CDH1: variants seen among roughly 807,000 people sequenced by gnomAD.
CDH1 encodes cadherin 1.
A neutral mutation model predicts 84.5 loss-of-function variants in CDH1; 35 were observed. The observed-to-expected ratio is 0.41, with a 90% CI of 0.32 to 0.55. The LOEUF (loss-of-function observed/expected upper bound fraction) is 0.55, where lower values mean the gene tolerates loss of function less well. Among genes scored for constraint, CDH1 ranks in the 20% least tolerant of loss-of-function variants. CDH1 has a pLI of 0.19. For missense variants in CDH1, 994 were observed against 1,126.6 expected, an observed-to-expected ratio of 0.88 and a Z score of 1.68; for synonymous variants, 417 against 439.0, an observed-to-expected ratio of 0.95 and a Z score of 0.63.
intron 3 of CDH1, 143 bp from the exon 4 acceptor site, chr16:68,808,281 A>G: frequency 1.2e-6 from 1 of 817,824 alleles, no homozygotes; most frequent in Non-Finnish European, 2.0e-6. Context: ...ATAATTTGTC[A>G]TTGATAAGAG....
rs2152138313 is a variant in CDH1, at chr16:68,822,084, A to T, written c.1795A>T (p.Thr599Ser). Residue 599 changes from threonine (T) to serine (S), a missense_variant, in exon 12 of 16, where the codon ACT becomes TCT. Physicochemically the swap from Thr to Ser is moderately conservative, Grantham distance 58. Transcript: ENST00000261769. ...NDNAPIPEPR[T>S]IFFCERNPKP... ...CAACGCCCCCATACCAGAACCTCGA[A>T]CTATATTCTTCTGTGAGAGGAATCC... is the stretch of plus-strand genomic sequence containing the variant. The T allele has an allele frequency of 6.2e-7, 1 of 1,614,166 alleles. No individual in the cohort carries two copies. Among genetic ancestry groups the T allele is most frequent in the Non-Finnish European group, 8.5e-7 (1 of 1,180,016 alleles).
Position 68,812,236 on chromosome 16 carries a change from T to C in CDH1, c.1110T>C (p.Asp370=), listed in dbSNP as rs1477466995. 6.2e-7 allele frequency: 1 copy of C among 1,614,182 alleles called. No individual in the cohort carries two copies. Among genetic ancestry groups the C allele is most frequent in the Non-Finnish European group, 8.5e-7 (1 of 1,179,986 alleles). The change falls in exon 8 of 16, where the codon GAT becomes GAC. Residue 370 remains aspartate, a synonymous_variant. Coordinates refer to ENST00000261769, the MANE Select transcript of CDH1 (RefSeq NM_004360.5). The part of the protein sequence containing the change: ...TAVITVTDTN[D]NPPIFNPTTY... Reference sequence around the variant, plus strand: ...TGATCACAGTCACTGACACCAACGATAATCCTCCGATCTTCAATCCCACCA... The same window carrying C: ...TGATCACAGTCACTGACACCAACGACAATCCTCCGATCTTCAATCCCACCA...
intron 2 of CDH1, among the ~76,000 whole-genome samples, chr16:68,775,575 T>G (rs1417655169): frequency 6.6e-6 from 1 of 152,218 alleles, no homozygotes. Context: ...ACATTTCTGT[T>G]TTTGTGTTTA....
intron 5 of CDH1, 166 bp downstream of exon 5, chr16:68,809,014 T>C: frequency 1.5e-6 from 1 of 664,668 alleles, no homozygotes; most frequent in South Asian, 1.8e-5. Flanking sequence ...CGTGGGACAG[T>C]TTGGGGTTGT....
chr16:68,825,802 TC>T (rs139067420), intron 13 of CDH1, among the ~76,000 whole-genome samples: 2 of 141,136 alleles, frequency 1.4e-5, no homozygotes, highest in Admixed American at 7.0e-5. Context: ...CTAAAGGGAA[TC>T]TTTTTTTTTT....
chr16:68,751,269 T>TG (rs1457856948), intron 2 of CDH1, among the ~76,000 whole-genome samples: 1 of 152,202 alleles, frequency 6.6e-6, no homozygotes. Flanking sequence ...CTCATGTACC[T>TG]GGGGTCCTCA....
intron 2 of CDH1, among the ~76,000 whole-genome samples, chr16:68,785,919 C>T (rs570392534): frequency 9.9e-5 from 15 of 152,280 alleles, no homozygotes; most frequent in Non-Finnish European, 1.8e-4. Flanking sequence ...AGTTTCACAT[C>T]GGAAAATGGG....
chr16:68,793,040 C>T (rs1249685370), intron 2 of CDH1, among the ~76,000 whole-genome samples: 3 of 152,054 alleles, frequency 2.0e-5, no homozygotes, highest in African/African-American at 7.3e-5. Flanking sequence ...TCCCTGGGAA[C>T]CCATGGGGGT....
intron 13 of CDH1, 56 bp from the exon 14 acceptor site, chr16:68,828,118 C>T (rs541265916): frequency 2.2e-5 from 36 of 1,606,890 alleles, no homozygotes; most frequent in Non-Finnish European, 3.4e-6. Context: ...GCTGCTGCTT[C>T]TGGCCTTCTT....
chr16:68,827,213 G>A (rs1329983125), intron 13 of CDH1, among the ~76,000 whole-genome samples: 1 of 152,104 alleles, frequency 6.6e-6, no homozygotes. Flanking sequence ...GGTGGTTTCA[G>A]TGAGCTGAGA....
chr16:68,826,759 C>T (rs899518824), intron 13 of CDH1, among the ~76,000 whole-genome samples: 1 of 152,178 alleles, frequency 6.6e-6, no homozygotes, highest in African/African-American at 2.4e-5. Flanking sequence ...GGTAAACTGC[C>T]TCTTGCTTTG....
At chr16:68,773,805 C>T (rs1383043831) in intron 2 of CDH1, among the ~76,000 whole-genome samples, 3 of 152,208 alleles carry the variant, frequency 2.0e-5, no homozygotes, top group African/African-American at 7.2e-5. Context: ...AACCTGTGTG[C>T]CACAGGGCTC....
chr16:68,745,579 TGTGTA>T (rs1226429854), intron 2 of CDH1, among the ~76,000 whole-genome samples: 89 of 82,422 alleles, frequency 1.1e-3, no homozygotes, highest in African/African-American at 3.9e-3. Context: ...TATATATGTA[TGTGTA>T]ATATATGTGT....
At chr16:68,740,615 G>A (rs1252231355) in intron 2 of CDH1, among the ~76,000 whole-genome samples, 1 of 152,116 alleles carries the variant, frequency 6.6e-6, no homozygotes, top group South Asian at 2.1e-4. Context: ...CCTGCACCAA[G>A]ATATTTGGTA....
intron 2 of CDH1, among the ~76,000 whole-genome samples, chr16:68,771,480 G>A (rs62057851): frequency 4.7e-4 from 71 of 152,162 alleles, no homozygotes; most frequent in Admixed American, 8.5e-4. Context: ...GTAGCCGGGC[G>A]CGGTGGCTCA....
chr16:68,833,960 CTTTTT>C lies in CDH1; in HGVS notation c.*471_*475del. On this transcript the variant is annotated 3_prime_UTR_variant, in exon 16 of 16. Transcript: ENST00000261769. ...TTACTACACTGGTGTGTCCCTCTGC[CTTTTT>C]TTTTTTTTTAAGACAGGGTCTCATT... The C allele has an allele frequency of 3.7e-6, 1 of 269,666 alleles. No homozygotes were observed. The allele number at this position is 269,666 out of a possible 1,614,324, so 16.7% of individuals were successfully genotyped here. A position where few individuals can be genotyped will look rare whatever the true frequency, so the allele number is the denominator to read the frequency against.
Position 68,815,517 on chromosome 16 carries a change from C to A in CDH1, c.1323C>A (p.Gly441=), listed in dbSNP as rs763647680. The A allele has an allele frequency of 1.9e-6, 3 of 1,614,074 alleles. No homozygotes were observed. The African/African-American group carries it at 4.0e-5, about 22-fold the overall frequency. Residue 441 remains glycine (G), a splice_region_variant and synonymous_variant, in exon 10 of 16, where the codon GGC becomes GGA. Transcript: ENST00000261769. ...NNDGILKTAK[G]LDFEAKQQYI... ...ACTTCATTGTTTCTGCTCTCTAGGGCTTGGATTTTGAGGCCAAGCAGCAGT... is the reference window on the plus strand; with the variant it reads ...ACTTCATTGTTTCTGCTCTCTAGGGATTGGATTTTGAGGCCAAGCAGCAGT...
rs1450986287 is a variant in CDH1 at position 68,835,186 on chromosome 16, G to C, written c.*1687G>C. ...GGCCCTAAAGGGGGTTAGTTGAGGGGTAGGGGGTAGTGAGGATCTTGATTT... is the reference window on the plus strand; with the variant it reads ...GGCCCTAAAGGGGGTTAGTTGAGGGCTAGGGGGTAGTGAGGATCTTGATTT... On this transcript the variant is annotated 3_prime_UTR_variant, in exon 16 of 16. Transcript: ENST00000261769. 8.7e-6 allele frequency: 2 copies of C among 231,176 alleles called. No homozygotes were observed. Among genetic ancestry groups the C allele is most frequent in the Admixed American group, 1.1e-4 (2 of 17,698 alleles). 14.3% of individuals were successfully genotyped at this position (231,176 alleles called of 1,614,324 possible).
At chr16:68,740,821 CACTGTT>C (rs1962544868) in intron 2 of CDH1, among the ~76,000 whole-genome samples, 1 of 152,110 alleles carries the variant, frequency 6.6e-6, no homozygotes, top group Non-Finnish European at 1.5e-5. Context: ...GGAGGGTGGG[CACTGTT>C]ATTCTTCCTA....
Sources: allele counts gnomAD v4.1 joint callset (sites outside exome capture counted in the v4.1 genomes callset), GRCh38; gene constraint gnomAD v4.1.1; transcripts MANE v1.5; gene names NCBI Gene and HGNC (gene_info 2026-07-23, HGNC 2026-07-21).